GRID2: variants seen among roughly 807,000 people sequenced by gnomAD.
GRID2 encodes glutamate receptor ionotropic, delta-2.
Under a neutral mutation model 114.8 loss-of-function variants are expected in GRID2, and 33 were observed. The observed-to-expected ratio is 0.29, with a 90% CI of 0.22 to 0.38. The LOEUF is 0.38. Among genes scored for constraint, GRID2 ranks in the 10% least tolerant of loss-of-function variants. The probability of loss-of-function intolerance (pLI) is 1.00; values close to 1 mark genes in which losing one functional copy is unlikely to be tolerated. For synonymous variants in GRID2, 505 were observed against 449.9 expected (o/e 1.12, Z -1.55); for missense variants, 1,184 against 1,257.7 (o/e 0.94, Z 0.89).
chr4:92,565,412 C>T (rs1727288311), intron 1 of GRID2, among the ~76,000 whole-genome samples: 1 of 151,662 alleles, frequency 6.6e-6, no homozygotes, highest in Non-Finnish European at 1.5e-5. Flanking sequence ...ATATATATTC[C>T]CACTTTATAT....
chr4:93,564,156 G>C (rs186000119), intron 13 of GRID2, among the ~76,000 whole-genome samples: 1 of 151,834 alleles, frequency 6.6e-6, no homozygotes, highest in African/African-American at 2.4e-5. Flanking sequence ...GCCAGAGAAA[G>C]GGCTTTTTAA....
At chr4:92,725,649 T>A (rs982382055) in intron 2 of GRID2, among the ~76,000 whole-genome samples, 4 of 152,138 alleles carry the variant, frequency 2.6e-5, no homozygotes, top group Admixed American at 6.6e-5. Context: ...TCGTATCGTC[T>A]AAGGTGCCAT....
At chr4:93,760,327 G>A (rs1230942249) in intron 14 of GRID2, among the ~76,000 whole-genome samples, 1 of 152,150 alleles carries the variant, frequency 6.6e-6, no homozygotes, top group South Asian at 2.1e-4. Flanking sequence ...ACACAGAATG[G>A]ATGCCTTAGG....
At chr4:93,595,344 T>C (rs1738968865) in intron 13 of GRID2, among the ~76,000 whole-genome samples, 1 of 152,186 alleles carries the variant, frequency 6.6e-6, no homozygotes. Context: ...TTTTCATGCA[T>C]TACATAATCT....
At chr4:92,742,297 T>G (rs1025958454) in intron 2 of GRID2, among the ~76,000 whole-genome samples, 1 of 152,160 alleles carries the variant, frequency 6.6e-6, no homozygotes, top group Non-Finnish European at 1.5e-5. Flanking sequence ...TGAAACCCAT[T>G]AAAACATTAT....
chr4:93,564,649 A>G (rs1735241918), intron 13 of GRID2, among the ~76,000 whole-genome samples: 2 of 152,078 alleles, frequency 1.3e-5, no homozygotes, highest in Non-Finnish European at 2.9e-5. Context: ...TTAACCTGCC[A>G]TGCTGTACTT....
At chr4:93,136,232 T>TTGTGTGTGTGTG (rs3970984) in intron 4 of GRID2, among the ~76,000 whole-genome samples, 10 of 142,362 alleles carry the variant, frequency 7.0e-5, no homozygotes, top group East Asian at 4.2e-4. Flanking sequence ...CCAACAGTTA[T>TTGTGTGTGTGTG]TGTGTGTGTG....
chr4:92,367,220 A>T (rs887301119), intron 1 of GRID2, among the ~76,000 whole-genome samples: 1 of 152,130 alleles, frequency 6.6e-6, no homozygotes, highest in South Asian at 2.1e-4. Context: ...ATTGGTTGAT[A>T]GTTGGCAAAT....
intron 2 of GRID2, among the ~76,000 whole-genome samples, chr4:92,711,493 C>G (rs576524503): frequency 1.4e-4 from 22 of 152,364 alleles, no homozygotes; most frequent in African/African-American, 4.8e-4. Flanking sequence ...AGGCCACTCT[C>G]AGGCTTTGCC....
chr4:93,328,850 T>A (rs1280709982), intron 8 of GRID2, among the ~76,000 whole-genome samples: 1 of 152,084 alleles, frequency 6.6e-6, no homozygotes, highest in Non-Finnish European at 1.5e-5. Context: ...AGGCATGAAT[T>A]CATCAATCAT....
intron 2 of GRID2, among the ~76,000 whole-genome samples, chr4:92,901,096 A>C (rs2149480422): frequency 6.6e-6 from 1 of 152,262 alleles, no homozygotes; most frequent in African/African-American, 2.4e-5. Context: ...GATACCCCAT[A>C]GTGGGATGCT....
intron 8 of GRID2, among the ~76,000 whole-genome samples, chr4:93,290,491 G>A (rs1753623519): frequency 6.6e-6 from 1 of 152,114 alleles, no homozygotes; most frequent in East Asian, 1.9e-4. Flanking sequence ...ATGACATCAA[G>A]TGATTTATTT....
chr4:92,604,277 T>C (rs971215590), intron 2 of GRID2, among the ~76,000 whole-genome samples: 3 of 152,090 alleles, frequency 2.0e-5, no homozygotes, highest in Admixed American at 2.0e-4. Flanking sequence ...AGCAAAGACA[T>C]AGAATCAATC....
intron 14 of GRID2, among the ~76,000 whole-genome samples, chr4:93,724,844 A>T (rs1729701349): frequency 6.6e-6 from 1 of 152,022 alleles, no homozygotes; most frequent in South Asian, 2.1e-4. Context: ...CAGCGGCATG[A>T]TCTCAGCTCA....
At chr4:92,786,075 C>T (rs1045553150) in intron 2 of GRID2, among the ~76,000 whole-genome samples, 1 of 151,810 alleles carries the variant, frequency 6.6e-6, no homozygotes, top group African/African-American at 2.4e-5. Flanking sequence ...AAGAAAACAA[C>T]TGTATGTATG....
At chr4:93,115,621 G>A (rs1054954140) in intron 4 of GRID2, among the ~76,000 whole-genome samples, 1 of 151,976 alleles carries the variant, frequency 6.6e-6, no homozygotes. Context: ...CCTGAGACTG[G>A]GTAATTTATA....
chr4:93,146,700 T>C (rs1446329737), intron 4 of GRID2, among the ~76,000 whole-genome samples: 2 of 26,112 alleles, frequency 7.7e-5, no homozygotes, highest in Admixed American at 4.5e-4. Context: ...ACCTAAGTGA[T>C]TTAAAAAAAA....
intron 2 of GRID2, among the ~76,000 whole-genome samples, chr4:92,666,451 C>G (rs1732781137): frequency 6.6e-6 from 1 of 151,410 alleles, no homozygotes; most frequent in African/African-American, 2.4e-5. Context: ...ATGGAACATA[C>G]TTTACTGTTT....
At chr4:93,303,714 T>A (rs1755114073) in intron 8 of GRID2, among the ~76,000 whole-genome samples, 1 of 152,102 alleles carries the variant, frequency 6.6e-6, no homozygotes, top group South Asian at 2.1e-4. Flanking sequence ...CACCTATCCA[T>A]CTATCTGGTT....
Sources: gnomAD v4.1 joint callset for allele counts (sites outside exome capture counted in the v4.1 genomes callset) on GRCh38, gnomAD v4.1.1 for gene constraint, MANE v1.5 for transcripts, NCBI Gene and HGNC (gene_info 2026-07-23, HGNC 2026-07-21) for gene names.